The following USP12 variants were observed in gnomAD, a reference collection of about 807,000 sequenced individuals.
USP12 encodes ubiquitin specific peptidase 12.
Under a neutral mutation model 45.5 loss-of-function variants are expected in USP12, and 19 were observed. The observed-to-expected ratio is 0.42, with a 90% CI of 0.29 to 0.61. The LOEUF (loss-of-function observed/expected upper bound fraction) is 0.61, where lower values mean the gene tolerates loss of function less well. Ranked by LOEUF, USP12 falls within the 20% of genes least tolerant of loss-of-function variation. The pLI, the probability that USP12 is intolerant of heterozygous loss-of-function variation, is 0.22. For synonymous variants in USP12, 149 were observed against 148.8 expected, an observed-to-expected ratio of 1.00 and a Z score of -0.01; for missense variants, 242 against 447.7, an observed-to-expected ratio of 0.54 and a Z score of 4.15.
intron 1 of USP12, among the ~76,000 whole-genome samples, chr13:27,141,163 G>A (rs1441813344): frequency 2.0e-5 from 3 of 151,762 alleles, no homozygotes; most frequent in East Asian, 1.9e-4. Context: ...CTACAGGTGC[G>A]CACCATCATG....
intron 1 of USP12, among the ~76,000 whole-genome samples, chr13:27,149,252 A>G (rs1256351325): frequency 1.3e-5 from 2 of 152,168 alleles, no homozygotes; most frequent in Non-Finnish European, 2.9e-5. Flanking sequence ...ATCTGACAAA[A>G]CGCATCTATA....
At chr13:27,154,071 CAT>C (rs10569845) in intron 1 of USP12, among the ~76,000 whole-genome samples, 42,222 of 152,054 alleles carry the variant, frequency 0.28, 6,359 homozygotes, top group Non-Finnish European at 0.35. Flanking sequence ...GAAATATCCA[CAT>C]CTTTCCACTT....
intron 3 of USP12, among the ~76,000 whole-genome samples, chr13:27,096,226 C>T (rs1874575757): frequency 1.3e-5 from 2 of 152,142 alleles, no homozygotes; most frequent in African/African-American, 4.8e-5. Flanking sequence ...GCTTTAGACC[C>T]ACAAAGTTTA....
At chr13:27,073,702 A>T (rs1873346846) in intron 7 of USP12, among the ~76,000 whole-genome samples, 1 of 152,226 alleles carries the variant, frequency 6.6e-6, no homozygotes, top group Admixed American at 6.5e-5. Flanking sequence ...TGAGAAGGTA[A>T]TATTACATTT....
intron 6 of USP12, chr13:27,077,171 A>C (rs1165957718): frequency 6.6e-6 from 1 of 152,218 alleles, no homozygotes; most frequent in Non-Finnish European, 1.5e-5. Context: ...ATACTTAAGA[A>C]GTCAGGATAT....
intron 1 of USP12, among the ~76,000 whole-genome samples, chr13:27,141,975 C>T (rs974514014): frequency 5.3e-5 from 8 of 151,950 alleles, no homozygotes; most frequent in Admixed American, 2.0e-4. Flanking sequence ...ATTAGTTGGG[C>T]GTGGTACATG....
chr13:27,159,679 C>A (rs765138303), intron 1 of USP12, among the ~76,000 whole-genome samples: 1 of 152,168 alleles, frequency 6.6e-6, no homozygotes, highest in African/African-American at 2.4e-5. Context: ...ATTGTGAGAT[C>A]TGAATCTGTG....
intron 3 of USP12, among the ~76,000 whole-genome samples, chr13:27,097,421 C>T (rs1018706387): frequency 1.3e-5 from 2 of 152,132 alleles, no homozygotes; most frequent in African/African-American, 2.4e-5. Flanking sequence ...GCCGAGATTG[C>T]GCCATTGCAC....
At chr13:27,144,494 C>G (rs1877217485) in intron 1 of USP12, among the ~76,000 whole-genome samples, 1 of 101,938 alleles carries the variant, frequency 9.8e-6, no homozygotes, top group Admixed American at 1.2e-4. Flanking sequence ...GGGCAAGACT[C>G]TCTTTAAAAA....
At chr13:27,084,657 C>G (rs1311224782) in intron 6 of USP12, among the ~76,000 whole-genome samples, 1 of 152,118 alleles carries the variant, frequency 6.6e-6, no homozygotes, top group African/African-American at 2.4e-5. Flanking sequence ...ATCCTTTTCC[C>G]ACTATGTATT....
At chr13:27,094,636 T>C (rs1323841865) in intron 4 of USP12, among the ~76,000 whole-genome samples, 1 of 151,760 alleles carries the variant, frequency 6.6e-6, no homozygotes, top group Non-Finnish European at 1.5e-5. Context: ...ATGAATGATA[T>C]ATTATTATTA....
At chr13:27,148,599 G>A (rs980568301) in intron 1 of USP12, among the ~76,000 whole-genome samples, 4 of 149,212 alleles carry the variant, frequency 2.7e-5, no homozygotes, top group African/African-American at 9.8e-5. Context: ...GCTTGAACCC[G>A]GGAGGCGGAG....
At chr13:27,126,594 G>A (rs951734127) in intron 1 of USP12, among the ~76,000 whole-genome samples, 4 of 152,148 alleles carry the variant, frequency 2.6e-5, no homozygotes, top group Admixed American at 1.3e-4. Flanking sequence ...AAACCAGGAG[G>A]CTGCATTCGT....
chr13:27,108,586 T>C (rs1875269111), intron 2 of USP12, among the ~76,000 whole-genome samples: 1 of 149,546 alleles, frequency 6.7e-6, no homozygotes, highest in Non-Finnish European at 1.5e-5. Flanking sequence ...ATCTTAAATA[T>C]AAGTGTCAAC....
intron 1 of USP12, among the ~76,000 whole-genome samples, chr13:27,136,211 A>G (rs1161674951): frequency 6.6e-6 from 1 of 152,198 alleles, no homozygotes; most frequent in Non-Finnish European, 1.5e-5. Flanking sequence ...AGACCTTAAT[A>G]AAGACCCTTG....
Position 27,108,299 on chromosome 13 carries a change from C to G in USP12, c.130-2355G>C, listed in dbSNP as rs145622126. ...ATCGCAAGGACAAAAAACCAAACAC[C>G]GCATGTTCTTACTCATAGATGGGAA... On this transcript the variant is annotated intron_variant, in intron 2 of 8. Coordinates refer to ENST00000282344, the MANE Select transcript of USP12 (RefSeq NM_182488.4). Among the ~76,000 whole-genome samples, 4 of 151,808 alleles carry G rather than the reference C, an allele frequency of 2.6e-5. No homozygotes were observed. In the South Asian group the frequency reaches 8.3e-4, roughly 32 times the overall value.
chr13:27,079,382 G>T (rs1393848606), intron 6 of USP12, among the ~76,000 whole-genome samples: 1 of 152,128 alleles, frequency 6.6e-6, no homozygotes, highest in East Asian at 1.9e-4. Flanking sequence ...ATGCTCTTTA[G>T]CACCTGTCAG....
At chr13:27,087,133 G>C (rs73497360) in intron 6 of USP12, among the ~76,000 whole-genome samples, 4,547 of 151,932 alleles carry the variant, frequency 0.03, 106 homozygotes, top group African/African-American at 0.062. Flanking sequence ...GCGTGTGTGA[G>C]AGTGTGTGTG....
chr13:27,086,181 A>AT lies in USP12; in HGVS notation c.734+3701_734+3702insA, dbSNP rs1565984501. On this transcript the variant is annotated intron_variant, in intron 6 of 8. Coordinates refer to ENST00000282344, the MANE Select transcript of USP12 (RefSeq NM_182488.4). ...AGAGATCTTTTGTCTCTTTAAAAAA[A>AT]AAAAAAAAAAAAAAAAATATATATA... is the stretch of plus-strand genomic sequence containing the variant. 8.0e-3 allele frequency among the ~76,000 whole-genome samples: 236 copies of AT among 29,410 alleles called. 2 individuals are homozygous for AT. Among genetic ancestry groups the AT allele is most frequent in the Non-Finnish European group, 0.012 (194 of 15,718 alleles). 19.3% of individuals were successfully genotyped at this position (29,410 alleles called of 152,430 possible). A position where few individuals can be genotyped will look rare whatever the true frequency, so the allele number is the denominator to read the frequency against.
Sources: allele counts gnomAD v4.1 joint callset (sites outside exome capture counted in the v4.1 genomes callset), GRCh38; gene constraint gnomAD v4.1.1; transcripts MANE v1.5; gene names NCBI Gene and HGNC (gene_info 2026-07-23, HGNC 2026-07-21).